The following SPTLC3 variants were observed in gnomAD, a reference collection of about 807,000 sequenced individuals.
SPTLC3 encodes the protein serine palmitoyltransferase long chain base subunit 3, also known as serine palmitoyltransferase 3.
SPTLC3 carries 36 observed loss-of-function variants against 59.3 expected under a neutral mutation model. The observed-to-expected ratio is 0.61, with a 90% confidence interval of 0.47 to 0.80. The LOEUF (loss-of-function observed/expected upper bound fraction) is 0.80, where lower values mean the gene tolerates loss of function less well. Ranked by LOEUF, SPTLC3 falls within the 30% of genes least tolerant of loss-of-function variation. The probability of loss-of-function intolerance (pLI) is 0.00; values close to 1 mark genes in which losing one functional copy is unlikely to be tolerated. For missense variants in SPTLC3, 625 were observed against 685.1 expected (o/e 0.91, Z 0.98); for synonymous variants, 257 against 240.8 (o/e 1.07, Z -0.62).
At chr20:13,126,994 G>T (rs1431628736) in intron 9 of SPTLC3, among the ~76,000 whole-genome samples, 1 of 152,264 alleles carries the variant, frequency 6.6e-6, no homozygotes, top group Non-Finnish European at 1.5e-5. Flanking sequence ...TTGTGTGCGT[G>T]TGTGTGCGCG....
intron 9 of SPTLC3, among the ~76,000 whole-genome samples, chr20:13,144,133 T>C (rs1282902567): frequency 6.6e-6 from 1 of 152,170 alleles, no homozygotes; most frequent in African/African-American, 2.4e-5. Flanking sequence ...AATCCAAACA[T>C]TCTAGGCAAG....
At chr20:13,029,598 T>C (rs577015511) in intron 1 of SPTLC3, among the ~76,000 whole-genome samples, 1 of 152,330 alleles carries the variant, frequency 6.6e-6, no homozygotes, top group South Asian at 2.1e-4. Flanking sequence ...TAATAAATTG[T>C]TGTGGTGCCA....
intron 4 of SPTLC3, among the ~76,000 whole-genome samples, chr20:13,078,733 C>CT (rs1379679404): frequency 6.7e-6 from 1 of 150,354 alleles, no homozygotes; most frequent in African/African-American, 2.5e-5. Flanking sequence ...TATTGTTCAC[C>CT]TTCTGGGTTT....
intron 9 of SPTLC3, among the ~76,000 whole-genome samples, chr20:13,133,272 A>G (rs1407283082): frequency 6.6e-6 from 1 of 152,088 alleles, no homozygotes; most frequent in African/African-American, 2.4e-5. Context: ...CTCTACCCCC[A>G]GAGATTTCTG....
intron 10 of SPTLC3, among the ~76,000 whole-genome samples, chr20:13,158,840 T>C (rs2038832184): frequency 6.6e-6 from 1 of 152,166 alleles, no homozygotes; most frequent in South Asian, 2.1e-4. Flanking sequence ...GCAAAACAAG[T>C]GAATGGAAGA....
intron 1 of SPTLC3, among the ~76,000 whole-genome samples, chr20:13,014,147 T>C (rs1435772959): frequency 6.6e-6 from 1 of 152,242 alleles, no homozygotes; most frequent in African/African-American, 2.4e-5. Context: ...AAGCCAGTCA[T>C]AGTCCAGCTG....
chr20:13,148,500 C>A (rs1020934938), intron 9 of SPTLC3, among the ~76,000 whole-genome samples: 2 of 152,140 alleles, frequency 1.3e-5, no homozygotes, highest in Non-Finnish European at 2.9e-5. Context: ...AGGTCACCCC[C>A]ACGAAAAGGT....
chr20:13,080,545 T>C (rs1443420258), intron 4 of SPTLC3, among the ~76,000 whole-genome samples: 2 of 147,848 alleles, frequency 1.4e-5, no homozygotes, highest in Admixed American at 6.7e-5. Flanking sequence ...ACAGCCAGGA[T>C]AGTGTGACAT....
chr20:13,064,442 C>T (rs934295224), intron 2 of SPTLC3, among the ~76,000 whole-genome samples: 3 of 152,126 alleles, frequency 2.0e-5, no homozygotes, highest in East Asian at 1.9e-4. Flanking sequence ...TACAGGCATG[C>T]GCGCCACCGC....
At chr20:13,113,995 G>T (rs1440270581) in intron 7 of SPTLC3, among the ~76,000 whole-genome samples, 1 of 152,178 alleles carries the variant, frequency 6.6e-6, no homozygotes, top group Non-Finnish European at 1.5e-5. Context: ...AGGCTCCGAG[G>T]CTTAGATTAC....
At chr20:13,070,633 C>A (rs1600250183) in intron 2 of SPTLC3, among the ~76,000 whole-genome samples, 1 of 152,292 alleles carries the variant, frequency 6.6e-6, no homozygotes, top group Middle Eastern at 3.4e-3. Flanking sequence ...CCCTCATTAC[C>A]TGCAGGATAA....
At chr20:13,126,856 A>C (rs1600333628) in intron 9 of SPTLC3, 139 bp downstream of exon 9, 26 of 1,240,850 alleles carry the variant, frequency 2.1e-5, no homozygotes, top group African/African-American at 1.5e-5. Flanking sequence ...AATGCACAAA[A>C]CTGCCGTTAG....
intron 9 of SPTLC3, among the ~76,000 whole-genome samples, chr20:13,135,136 T>C (rs907127839): frequency 6.6e-6 from 1 of 152,234 alleles, no homozygotes; most frequent in Non-Finnish European, 1.5e-5. Flanking sequence ...CTCCAATAAC[T>C]GCTATCCCTT....
chr20:13,031,840 T>C (rs1216011697), intron 1 of SPTLC3, among the ~76,000 whole-genome samples: 1 of 152,184 alleles, frequency 6.6e-6, no homozygotes, highest in Admixed American at 6.5e-5. Context: ...GATCTAACTT[T>C]TATGTTTCTT....
At chr20:13,051,341 A>T (rs949049841) in intron 2 of SPTLC3, among the ~76,000 whole-genome samples, 10 of 152,258 alleles carry the variant, frequency 6.6e-5, no homozygotes, top group African/African-American at 2.4e-4. Context: ...AGGAACAAAG[A>T]GGGACATTAT....
intron 4 of SPTLC3, 21 bp downstream of exon 4, chr20:13,074,518 G>T: frequency 6.3e-7 from 1 of 1,591,698 alleles, no homozygotes; most frequent in Non-Finnish European, 8.6e-7. Flanking sequence ...TCACTGTTTT[G>T]AAACTTTTTG....
At chr20:13,048,479 G>A (rs1480974215) in intron 1 of SPTLC3, among the ~76,000 whole-genome samples, 2 of 152,098 alleles carry the variant, frequency 1.3e-5, no homozygotes, top group Non-Finnish European at 2.9e-5. Flanking sequence ...AGTATTTCTT[G>A]TAAAATGGAA....
At chr20:13,098,426 G>A (rs1478756245) in intron 6 of SPTLC3, among the ~76,000 whole-genome samples, 1 of 152,178 alleles carries the variant, frequency 6.6e-6, no homozygotes, top group Non-Finnish European at 1.5e-5. Context: ...GTTAAAGTAA[G>A]TGGGTGTTCT....
Position 13,154,168 on chromosome 20 carries a change from C to T in SPTLC3, c.1415+30C>T, listed in dbSNP as rs778634448. 26 of 1,612,492 alleles carry T rather than the reference C, an allele frequency of 1.6e-5. No homozygotes were observed. In the East Asian group the frequency reaches 5.6e-4, roughly 35 times the overall value. On this transcript the variant is annotated intron_variant, in intron 10 of 11. Coordinates refer to ENST00000399002, the MANE Select transcript of SPTLC3 (RefSeq NM_018327.4). The stretch of plus-strand genomic sequence containing the variant: ...GTATCCAAGGCATCTCATAATCACA[C>T]CTAAACCCCAAGGTGACCTAAGATG...
Sources: gnomAD v4.1 joint callset for allele counts (sites outside exome capture counted in the v4.1 genomes callset) on GRCh38, gnomAD v4.1.1 for gene constraint, MANE v1.5 for transcripts, NCBI Gene and HGNC (gene_info 2026-07-23, HGNC 2026-07-21) for gene names.